The following RANBP2 variants were observed in gnomAD, a reference collection of about 807,000 sequenced individuals.
The protein encoded by RANBP2 is E3 SUMO-protein ligase RanBP2.
In RANBP2, 57 loss-of-function variants were observed where a neutral mutation model predicts 303.6. The observed-to-expected ratio is 0.19, with a 90% CI of 0.15 to 0.23. The LOEUF is 0.23. RANBP2 is among the 10% of genes least tolerant of loss of function. The pLI is 1.00. For synonymous variants in RANBP2, 1,167 were observed against 1,301.5 expected (o/e 0.90, Z 2.23); for missense variants, 3,138 against 3,780.8 (o/e 0.83, Z 4.46).
the RANBP2 span, among the ~76,000 whole-genome samples, chr2:108,856,147 G>T: frequency 1.3e-5 from 2 of 152,168 alleles, no homozygotes; most frequent in African/African-American, 4.8e-5. Context: ...GGCCTTGCAG[G>T]TTTCTCAGTC....
chr2:109,198,373 C>CAT, the RANBP2 span, among the ~76,000 whole-genome samples: 123,640 of 151,944 alleles, frequency 0.81, 50,458 homozygotes, highest in East Asian at 0.89. Context: ...ACAACTTAAA[C>CAT]AAAACTCAGT....
At chr2:109,000,477 G>A in the RANBP2 span, among the ~76,000 whole-genome samples, 2 of 152,178 alleles carry the variant, frequency 1.3e-5, no homozygotes, top group South Asian at 2.1e-4. Flanking sequence ...AGGCTGCAGT[G>A]AGCTATGGTC....
chr2:108,812,526 C>A, the RANBP2 span: 2 of 781,232 alleles, frequency 2.6e-6, no homozygotes, highest in African/African-American at 1.7e-5. Context: ...TGTTTTGTTA[C>A]ATTGGTTAGT....
chr2:109,192,680 T>C, the RANBP2 span, among the ~76,000 whole-genome samples: 6 of 152,228 alleles, frequency 3.9e-5, no homozygotes, highest in Non-Finnish European at 7.3e-5. Context: ...AAGACTCTTA[T>C]AGATGACTGC....
the RANBP2 span, among the ~76,000 whole-genome samples, chr2:109,338,216 T>C: frequency 6.6e-6 from 1 of 152,164 alleles, no homozygotes; most frequent in Non-Finnish European, 1.5e-5. Context: ...CTGTATTAAC[T>C]CATTCGATCT....
chr2:109,383,205 G>A, the RANBP2 span, among the ~76,000 whole-genome samples: 1 of 152,228 alleles, frequency 6.6e-6, no homozygotes, highest in South Asian at 2.1e-4. Flanking sequence ...GTGCCTGTAG[G>A]ATGACAGCAG....
At chr2:108,922,343 C>T in the RANBP2 span, among the ~76,000 whole-genome samples, 4 of 152,236 alleles carry the variant, frequency 2.6e-5, no homozygotes, top group Admixed American at 1.3e-4. Context: ...GGCTGGCAGC[C>T]GAGCTGCGGC....
At chr2:109,507,639 G>A in the RANBP2 span, among the ~76,000 whole-genome samples, 1 of 152,180 alleles carries the variant, frequency 6.6e-6, no homozygotes, top group Non-Finnish European at 1.5e-5. Context: ...CCTGGGCTCG[G>A]CCCTAAAGCC....
At chr2:109,242,626 G>A in the RANBP2 span, among the ~76,000 whole-genome samples, 6 of 152,194 alleles carry the variant, frequency 3.9e-5, no homozygotes, top group African/African-American at 1.4e-4. Context: ...TCCTTACTGG[G>A]CTGTGCCTAC....
At chr2:108,821,203 T>C in the RANBP2 span, among the ~76,000 whole-genome samples, 1 of 151,594 alleles carries the variant, frequency 6.6e-6, no homozygotes, top group African/African-American at 2.4e-5. Flanking sequence ...ACTAAAAGTA[T>C]AAAAATTAGC....
At chr2:109,321,245 T>C in the RANBP2 span, among the ~76,000 whole-genome samples, 902 of 152,344 alleles carry the variant, frequency 5.9e-3, 7 homozygotes, top group African/African-American at 0.021. Context: ...GGATTCACTT[T>C]TAATTAGGCT....
the RANBP2 span, among the ~76,000 whole-genome samples, chr2:109,413,614 C>A: frequency 6.6e-6 from 1 of 152,170 alleles, no homozygotes; most frequent in African/African-American, 2.4e-5. Flanking sequence ...ATCACCAGGA[C>A]CTGGGGCTGT....
At chr2:108,944,079 ACTCTGTTCCTGTTTCTGT>A in the RANBP2 span, among the ~76,000 whole-genome samples, 1 of 151,848 alleles carries the variant, frequency 6.6e-6, no homozygotes, top group Non-Finnish European at 1.5e-5. Context: ...AGGAGCAAAC[ACTCTGTTCCTGTTTCTGT>A]CTCTGTTCGG....
At chr2:109,227,399 C>T in the RANBP2 span, among the ~76,000 whole-genome samples, 1 of 152,204 alleles carries the variant, frequency 6.6e-6, no homozygotes, top group South Asian at 2.1e-4. Context: ...TTTCTGTAAC[C>T]AGCTGTTCTT....
chr2:109,206,362 G>A, the RANBP2 span, among the ~76,000 whole-genome samples: 2 of 151,842 alleles, frequency 1.3e-5, no homozygotes, highest in African/African-American at 4.8e-5. Flanking sequence ...TTGGTGGAGG[G>A]CACCTGTAGT....
At chr2:109,497,707 C>T in the RANBP2 span, among the ~76,000 whole-genome samples, 1 of 152,210 alleles carries the variant, frequency 6.6e-6, no homozygotes, top group Non-Finnish European at 1.5e-5. Context: ...TGGACAGAAA[C>T]GTTAAACACT....
chr2:109,330,523 T>A, the RANBP2 span, among the ~76,000 whole-genome samples: 1 of 152,208 alleles, frequency 6.6e-6, no homozygotes, highest in African/African-American at 2.4e-5. Context: ...CCTTGTATTG[T>A]TAGATGTCTA....
the RANBP2 span, chr2:109,614,656 T>G: frequency 6.8e-7 from 1 of 1,477,368 alleles, no homozygotes. Flanking sequence ...CGCGCGCACT[T>G]CAAGGAGCTG....
chr2:108,752,455 T>C (rs13411630), intron 12 of RANBP2, among the ~76,000 whole-genome samples: 6,521 of 151,764 alleles, frequency 0.043, 471 homozygotes, highest in African/African-American at 0.15. Flanking sequence ...TACGTTAGGA[T>C]GGTATCATTA....
Sources: gnomAD v4.1 joint callset for allele counts (sites outside exome capture counted in the v4.1 genomes callset) on GRCh38, gnomAD v4.1.1 for gene constraint, MANE v1.5 for transcripts, NCBI Gene and HGNC (gene_info 2026-07-23, HGNC 2026-07-21) for gene names.